The following BMPR1B variants were observed in gnomAD, a reference collection of about 807,000 sequenced individuals.
BMPR1B encodes the protein bone morphogenetic protein receptor type-1B.
In BMPR1B, 12 loss-of-function variants were observed where a neutral mutation model predicts 59.1. That is an observed-to-expected ratio of 0.20 (90% CI 0.13 to 0.33). BMPR1B has a LOEUF of 0.33. BMPR1B is among the 10% of genes least tolerant of loss of function. BMPR1B has a pLI of 1.00. For missense variants in BMPR1B, 550 were observed against 610.9 expected (o/e 0.90, Z 1.05); for synonymous variants, 237 against 207.3 (o/e 1.14, Z -1.23).
chr4:94,975,944 G>C (rs1731017407), intron 2 of BMPR1B, among the ~76,000 whole-genome samples: 1 of 152,128 alleles, frequency 6.6e-6, no homozygotes, highest in African/African-American at 2.4e-5. Flanking sequence ...ATCCATAGTG[G>C]CTTAAAAACA....
intron 3 of BMPR1B, among the ~76,000 whole-genome samples, chr4:95,071,648 GTGTGTATATATATA>G (rs1728293844): frequency 9.5e-6 from 1 of 104,776 alleles, no homozygotes; most frequent in Non-Finnish European, 1.8e-5. Context: ...GTGTGTGTGT[GTGTGTATATATATA>G]TATATATATA....
chr4:94,801,287 C>G (rs1723396890), intron 1 of BMPR1B, among the ~76,000 whole-genome samples: 1 of 152,212 alleles, frequency 6.6e-6, no homozygotes, highest in Non-Finnish European at 1.5e-5. Flanking sequence ...CAACTAAATA[C>G]AAAACAGTTC....
chr4:94,975,363 GTTTTTT>G (rs763655134), intron 2 of BMPR1B, among the ~76,000 whole-genome samples: 2 of 111,638 alleles, frequency 1.8e-5, no homozygotes, highest in East Asian at 3.2e-4. Flanking sequence ...TTTTGTTTTT[GTTTTTT>G]TTTTTTTTTT....
chr4:94,857,607 GAATA>G (rs1249074929), intron 1 of BMPR1B, among the ~76,000 whole-genome samples: 1 of 152,134 alleles, frequency 6.6e-6, no homozygotes, highest in Non-Finnish European at 1.5e-5. Flanking sequence ...TGAACAAGGA[GAATA>G]AATATATTAA....
At chr4:95,050,655 TATG>T (rs982771228) in intron 3 of BMPR1B, among the ~76,000 whole-genome samples, 1 of 152,168 alleles carries the variant, frequency 6.6e-6, no homozygotes, top group Non-Finnish European at 1.5e-5. Context: ...CAAGTAAACA[TATG>T]ATGATGATAT....
intron 1 of BMPR1B, among the ~76,000 whole-genome samples, chr4:94,872,322 A>G (rs1726532448): frequency 6.6e-6 from 1 of 152,232 alleles, no homozygotes; most frequent in African/African-American, 2.4e-5. Flanking sequence ...CTGGTTTTAA[A>G]TACCCTCTAA....
intron 1 of BMPR1B, among the ~76,000 whole-genome samples, chr4:94,782,828 T>C (rs1722633875): frequency 6.6e-6 from 1 of 152,226 alleles, no homozygotes; most frequent in South Asian, 2.1e-4. Context: ...CTGCTTTAAT[T>C]CCCTGTATAT....
intron 2 of BMPR1B, among the ~76,000 whole-genome samples, chr4:94,960,831 A>T (rs1332728009): frequency 6.6e-6 from 1 of 152,124 alleles, no homozygotes; most frequent in Non-Finnish European, 1.5e-5. Context: ...GACAGTAGAC[A>T]ACTAGCCAAG....
intron 3 of BMPR1B, among the ~76,000 whole-genome samples, chr4:95,000,375 C>T (rs1393010546): frequency 1.3e-5 from 2 of 152,030 alleles, no homozygotes; most frequent in East Asian, 1.9e-4. Flanking sequence ...ATATAACTAT[C>T]CTGTGTTAAA....
intron 1 of BMPR1B, among the ~76,000 whole-genome samples, chr4:94,784,946 A>C (rs1205429923): frequency 6.6e-6 from 1 of 152,176 alleles, no homozygotes; most frequent in Non-Finnish European, 1.5e-5. Flanking sequence ...CCGCATCTGG[A>C]CCTACAAAGC....
intron 2 of BMPR1B, among the ~76,000 whole-genome samples, chr4:94,975,357 G>GTTTTTTTTTTT (rs1177887549): frequency 1.1e-5 from 1 of 94,220 alleles, no homozygotes; most frequent in African/African-American, 4.6e-5. Flanking sequence ...ATTTCCTTTT[G>GTTTTTTTTTTT]TTTTTGTTTT....
rs75768675 is a variant in BMPR1B at position 94,765,184 on chromosome 4, A to C, written c.-183+7116A>C. ...TAGAAATTTCATATAAACCTTAAGA[A>C]AATAAAGTGCTTTATACTATTACCT... On this transcript the variant is annotated intron_variant, in intron 1 of 12. Coordinates refer to ENST00000515059, the MANE Select transcript of BMPR1B (RefSeq NM_001203.3). 5.8e-3 allele frequency among the ~76,000 whole-genome samples: 886 copies of C among 152,310 alleles called. 9 individuals are homozygous for C. Among genetic ancestry groups the C allele is most frequent in the African/African-American group, 0.021 (853 of 41,572 alleles).
intron 1 of BMPR1B, among the ~76,000 whole-genome samples, chr4:94,787,465 T>TA (rs1471383848): frequency 6.6e-6 from 1 of 152,224 alleles, no homozygotes; most frequent in Admixed American, 6.5e-5. Flanking sequence ...GAAGTATTCT[T>TA]ATCTCTGAAG....
chr4:94,986,544 C>CT (rs140475978), intron 2 of BMPR1B, among the ~76,000 whole-genome samples: 3,338 of 150,832 alleles, frequency 0.022, 121 homozygotes, highest in African/African-American at 0.074. Flanking sequence ...ATTTTTAGTC[C>CT]TTTTTTTTTC....
Position 95,131,259 on chromosome 4 carries a change from T to C in BMPR1B, c.823T>C (p.Leu275=). 1 of 1,613,978 alleles carries C rather than the reference T, an allele frequency of 6.2e-7. No homozygotes were observed. Among genetic ancestry groups the C allele is most frequent in the Non-Finnish European group, 8.5e-7 (1 of 1,179,946 alleles). ...DIKGTGSWTQ[L]YLITDYHENG... ...CAAAGGGACAGGGTCCTGGACCCAGTTGTACCTAATCACAGACTATCATGA... is the reference window on the plus strand; with the variant it reads ...CAAAGGGACAGGGTCCTGGACCCAGCTGTACCTAATCACAGACTATCATGA... Residue 275 remains leucine, a synonymous_variant, in exon 10 of 13, where the codon TTG becomes CTG. Coordinates refer to ENST00000515059, the MANE Select transcript of BMPR1B (RefSeq NM_001203.3).
At chr4:94,958,088 G>T (rs148928135) in intron 2 of BMPR1B, among the ~76,000 whole-genome samples, 114 of 152,272 alleles carry the variant, frequency 7.5e-4, no homozygotes, top group African/African-American at 2.6e-3. Flanking sequence ...CAATAATAGT[G>T]TTCTATTTGG....
chr4:94,863,052 G>C (rs1486954840), intron 1 of BMPR1B, among the ~76,000 whole-genome samples: 4 of 149,682 alleles, frequency 2.7e-5, no homozygotes, highest in African/African-American at 9.9e-5. Context: ...GGAGGCAGAG[G>C]TTGCAGTGAG....
intron 2 of BMPR1B, among the ~76,000 whole-genome samples, chr4:94,980,802 C>G (rs1003871950): frequency 7.2e-5 from 11 of 152,254 alleles, no homozygotes; most frequent in African/African-American, 2.6e-4. Context: ...GTCTACTAGA[C>G]AAGGGAAGAC....
intron 1 of BMPR1B, among the ~76,000 whole-genome samples, chr4:94,841,865 A>G (rs993851472): frequency 2.0e-5 from 3 of 152,222 alleles, no homozygotes; most frequent in Non-Finnish European, 4.4e-5. Context: ...GTTTTCAGTA[A>G]TATTTCTTTG....
Sources: allele counts gnomAD v4.1 joint callset (sites outside exome capture counted in the v4.1 genomes callset), GRCh38; gene constraint gnomAD v4.1.1; transcripts MANE v1.5; gene names NCBI Gene and HGNC (gene_info 2026-07-23, HGNC 2026-07-21).